CACNB2: variants seen among roughly 807,000 people sequenced by gnomAD.
The protein encoded by CACNB2 is voltage-dependent L-type calcium channel subunit beta-2.
A neutral mutation model predicts 73.3 loss-of-function variants in CACNB2; 42 were observed. That is an observed-to-expected ratio of 0.57 (90% CI 0.45 to 0.74). CACNB2 has a LOEUF of 0.74. Ranked by LOEUF, CACNB2 falls within the 30% of genes least tolerant of loss-of-function variation. CACNB2 has a pLI of 0.00. For missense variants in CACNB2, 940 were observed against 853.0 expected, an observed-to-expected ratio of 1.10 and a Z score of -1.27; for synonymous variants, 348 against 310.3, an observed-to-expected ratio of 1.12 and a Z score of -1.28.
chr10:18,261,406 T>A (rs2037536618), intron 2 of CACNB2: 1 of 1,537,436 alleles, frequency 6.5e-7, no homozygotes, highest in African/African-American at 1.4e-5. Flanking sequence ...CAGCTGTTTT[T>A]ATTCCCTGTG....
chr10:18,290,112 CTTTTTTTTTTTT>C lies in CACNB2; in HGVS notation c.214-111796_214-111785del, dbSNP rs992393946. ...TAAAGTTTTTTTCTTTTTTCTTTTTCTTTTTTTTTTTTTTTTTTTTTTTTTTTGCCTCAGCCT... is the reference window on the plus strand; with the variant it reads ...TAAAGTTTTTTTCTTTTTTCTTTTTCTTTTTTTTTTTTTTTGCCTCAGCCT... On this transcript the variant is annotated intron_variant, in intron 2 of 13. Transcript: ENST00000324631. 3.2e-4 allele frequency among the ~76,000 whole-genome samples: 16 copies of C among 50,148 alleles called. No individual in the cohort carries two copies. The East Asian group carries it at 5.9e-3, about 19-fold the overall frequency. 32.9% of individuals were successfully genotyped at this position (50,148 alleles called of 152,430 possible). A position where few individuals can be genotyped will look rare whatever the true frequency, so the allele number is the denominator to read the frequency against.
At chr10:18,272,229 G>A (rs891848100) in intron 2 of CACNB2, among the ~76,000 whole-genome samples, 2 of 152,072 alleles carry the variant, frequency 1.3e-5, no homozygotes, top group African/African-American at 4.8e-5. Flanking sequence ...AGAGGAGTGG[G>A]ACATAGTTCT....
chr10:18,399,039 T>A (rs575887545), intron 2 of CACNB2, among the ~76,000 whole-genome samples: 1 of 152,226 alleles, frequency 6.6e-6, no homozygotes, highest in South Asian at 2.1e-4. Context: ...TATGTGTGGG[T>A]GTTATGCGGC....
intron 2 of CACNB2, among the ~76,000 whole-genome samples, chr10:18,314,015 A>C (rs2040060794): frequency 6.6e-6 from 1 of 152,244 alleles, no homozygotes. Context: ...TTTAACTTGG[A>C]GTGTGAAACA....
At chr10:18,289,963 T>C (rs1440228119) in intron 2 of CACNB2, among the ~76,000 whole-genome samples, 1 of 151,948 alleles carries the variant, frequency 6.6e-6, no homozygotes, top group Non-Finnish European at 1.5e-5. Context: ...TGAAAGAGAC[T>C]GAAAGAAAAA....
rs116896961 is a variant in CACNB2 at position 18,472,718 on chromosome 10, A to G, written c.334-25637A>G. Among the ~76,000 whole-genome samples the G allele has an allele frequency of 3.7e-3, 568 of 152,260 alleles. 4 individuals carry two copies. Among genetic ancestry groups the G allele is most frequent in the Non-Finnish European group, 6.8e-3 (465 of 68,014 alleles). On this transcript the variant is annotated intron_variant, in intron 3 of 13. Transcript: ENST00000324631. Reference sequence around the variant, plus strand: ...ACAACCACATCTCCTTAATAAACGTATTGGTTTACTATTTTCAGTTCAGTC... The same window carrying G: ...ACAACCACATCTCCTTAATAAACGTGTTGGTTTACTATTTTCAGTTCAGTC...
chr10:18,421,537 T>G (rs1392315670), intron 3 of CACNB2, among the ~76,000 whole-genome samples: 1 of 152,122 alleles, frequency 6.6e-6, no homozygotes, highest in African/African-American at 2.4e-5. Flanking sequence ...CGACCTCAGG[T>G]GATCCACCCA....
intron 3 of CACNB2, among the ~76,000 whole-genome samples, chr10:18,433,446 T>C (rs2045984941): frequency 6.6e-6 from 1 of 152,210 alleles, no homozygotes; most frequent in African/African-American, 2.4e-5. Flanking sequence ...CTGTTGATTG[T>C]ATTGCTGTTG....
intron 3 of CACNB2, among the ~76,000 whole-genome samples, chr10:18,487,578 T>C (rs1182512512): frequency 6.6e-6 from 1 of 152,138 alleles, no homozygotes; most frequent in Non-Finnish European, 1.5e-5. Context: ...CTCACGCCTG[T>C]TATCCCAGCA....
At chr10:18,526,415 G>C (rs2052474457) in intron 9 of CACNB2, among the ~76,000 whole-genome samples, 1 of 152,168 alleles carries the variant, frequency 6.6e-6, no homozygotes, top group South Asian at 2.1e-4. Flanking sequence ...GTAGGGTCTT[G>C]TACCACACAG....
At chr10:18,175,666 C>T (rs1224538473) in intron 2 of CACNB2, among the ~76,000 whole-genome samples, 5 of 152,158 alleles carry the variant, frequency 3.3e-5, no homozygotes, top group African/African-American at 2.4e-5. Flanking sequence ...GGTGCAATCT[C>T]GGCTCACTGT....
intron 2 of CACNB2, among the ~76,000 whole-genome samples, chr10:18,242,843 C>T (rs1412812488): frequency 7.3e-6 from 1 of 137,178 alleles, no homozygotes; most frequent in Non-Finnish European, 1.6e-5. Context: ...AAAAAAAAAC[C>T]AAAAAAACAA....
At chr10:18,347,014 G>A (rs1449929491) in intron 2 of CACNB2, among the ~76,000 whole-genome samples, 2 of 152,122 alleles carry the variant, frequency 1.3e-5, no homozygotes, top group Non-Finnish European at 2.9e-5. Context: ...GTCAGAAGGG[G>A]CCATACTCAT....
intron 2 of CACNB2, among the ~76,000 whole-genome samples, chr10:18,203,818 T>C (rs1048213049): frequency 6.6e-6 from 1 of 152,206 alleles, no homozygotes; most frequent in Non-Finnish European, 1.5e-5. Flanking sequence ...GAACCGTAGT[T>C]CTTATAATAG....
At chr10:18,357,830 C>T (rs553827954) in intron 2 of CACNB2, among the ~76,000 whole-genome samples, 1 of 152,242 alleles carries the variant, frequency 6.6e-6, no homozygotes, top group East Asian at 1.9e-4. Flanking sequence ...TCCTGTAATG[C>T]TTCTCAGTCA....
chr10:18,251,847 ACAG>A (rs1387670670), intron 2 of CACNB2, among the ~76,000 whole-genome samples: 2 of 152,086 alleles, frequency 1.3e-5, no homozygotes, highest in Non-Finnish European at 2.9e-5. Context: ...ATCACAAGAA[ACAG>A]CAAGGGGGAA....
chr10:18,413,967 C>T (rs1305134686), intron 3 of CACNB2, among the ~76,000 whole-genome samples: 1 of 152,214 alleles, frequency 6.6e-6, no homozygotes, highest in Non-Finnish European at 1.5e-5. Context: ...AAACAAGTGT[C>T]TTTGCCTCCT....
chr10:18,202,202 G>A (rs2034910668), intron 2 of CACNB2, among the ~76,000 whole-genome samples: 1 of 152,196 alleles, frequency 6.6e-6, no homozygotes. Context: ...CACACAAAAA[G>A]AGGTGAATTT....
At chr10:18,259,569 A>G (rs1377077784) in intron 2 of CACNB2, among the ~76,000 whole-genome samples, 4 of 132,432 alleles carry the variant, frequency 3.0e-5, no homozygotes, top group Admixed American at 7.5e-5. Flanking sequence ...ACAAACAAAA[A>G]AAAAAAGTAA....
Sources: allele counts gnomAD v4.1 joint callset (sites outside exome capture counted in the v4.1 genomes callset), GRCh38; gene constraint gnomAD v4.1.1; transcripts MANE v1.5; gene names NCBI Gene and HGNC (gene_info 2026-07-23, HGNC 2026-07-21).